The following LLGL2 variants were observed in gnomAD, a reference collection of about 807,000 sequenced individuals.
The protein encoded by LLGL2 is LLGL scribble cell polarity complex component 2.
LLGL2 carries 81 observed loss-of-function variants against 123.2 expected under a neutral mutation model. The observed-to-expected ratio is 0.66, with a 90% CI of 0.55 to 0.79. The LOEUF (loss-of-function observed/expected upper bound fraction) is 0.79. Among genes scored for constraint, LLGL2 ranks in the 30% least tolerant of loss-of-function variants. LLGL2 has a pLI of 0.00. For synonymous variants in LLGL2, 577 were observed against 594.1 expected, an observed-to-expected ratio of 0.97 and a Z score of 0.42; for missense variants, 1,273 against 1,414.6, an observed-to-expected ratio of 0.90 and a Z score of 1.61.
In LLGL2 at chr17:75,544,351, G is replaced by A. The variant is rs556903008; in HGVS notation, c.75+850G>A. Among the ~76,000 whole-genome samples, 4 of 152,350 alleles carry A rather than the reference G, an allele frequency of 2.6e-5. No homozygotes were observed. Among genetic ancestry groups the A allele is most frequent in the East Asian group, 1.9e-4 (1 of 5,188 alleles). On this transcript the variant is annotated intron_variant, in intron 2 of 25. Transcript: ENST00000392550. This position sits in a 1 kb window ranked among gnomAD's most constrained non-coding sequence, Gnocchi z 4.2. Reference sequence around the variant, plus strand: ...GCTGAGGGCAGGACATGTGGCTTTCGTTGGGGGCTTCCGTTTGGGCTCCCC... The same window carrying A: ...GCTGAGGGCAGGACATGTGGCTTTCATTGGGGGCTTCCGTTTGGGCTCCCC...
At chr17:75,543,614 C>A in intron 2 of LLGL2, 113 bp downstream of exon 2, 1 of 706,110 alleles carries the variant, frequency 1.4e-6, no homozygotes, top group Non-Finnish European at 2.2e-6. Context: ...TGACTGCCTG[C>A]AGTGCCTCTT....
At chr17:75,545,489 G>T (rs2054383567) in intron 2 of LLGL2, among the ~76,000 whole-genome samples, 1 of 152,126 alleles carries the variant, frequency 6.6e-6, no homozygotes, top group African/African-American at 2.4e-5. Context: ...GGATTCAGGA[G>T]CGGGGTAGAC....
Position 75,564,058 on chromosome 17 carries a change from T to G in LLGL2, c.881+252T>G, listed in dbSNP as rs1455694186. ...CGGTACTGAGCAGCAGGTCTTAAAC[T>G]CCTTTAGTTGGCAGCCCTGTTTCTT... is the stretch of plus-strand genomic sequence containing the variant. On this transcript the variant is annotated intron_variant, in intron 9 of 25. Transcript: ENST00000392550. This position sits in a 1 kb window ranked among gnomAD's most constrained non-coding sequence, Gnocchi z 4.9. Among the ~76,000 whole-genome samples, 1 of 152,188 alleles carries G rather than the reference T, an allele frequency of 6.6e-6. No individual in the cohort carries two copies. Among genetic ancestry groups the G allele is most frequent in the Non-Finnish European group, 1.5e-5 (1 of 68,030 alleles).
chr17:75,528,260 C>G (rs1011429072), intron 1 of LLGL2, among the ~76,000 whole-genome samples: 1 of 152,094 alleles, frequency 6.6e-6, no homozygotes, highest in African/African-American at 2.4e-5. Flanking sequence ...GGACCACAGG[C>G]GCCTGCCATC....
intron 6 of LLGL2, among the ~76,000 whole-genome samples, chr17:75,561,682 A>C (rs1156806432): frequency 1.3e-5 from 2 of 152,164 alleles, no homozygotes; most frequent in African/African-American, 4.8e-5. Context: ...GCACTTTGGG[A>C]GGCGGAGGCG....
intron 1 of LLGL2, among the ~76,000 whole-genome samples, chr17:75,526,353 C>G (rs985180969): frequency 3.9e-5 from 6 of 152,246 alleles, no homozygotes; most frequent in Non-Finnish European, 8.8e-5. Context: ...ACTTCGGTCT[C>G]CGGCCTTTCT....
At chr17:75,545,743 A>G (rs528748055) in intron 2 of LLGL2, among the ~76,000 whole-genome samples, 2 of 152,152 alleles carry the variant, frequency 1.3e-5, no homozygotes, top group Non-Finnish European at 1.5e-5. Context: ...CCCTTTGGGC[A>G]AGGCAGGTAA....
intron 8 of LLGL2, 88 bp downstream of exon 8, chr17:75,563,551 G>T: frequency 6.4e-7 from 1 of 1,565,186 alleles, no homozygotes. Context: ...AAACTCCAGG[G>T]CCAGAGAGGG....
At chr17:75,574,827 G>GTC (rs750182152) in intron 25 of LLGL2, 44 bp from the exon 26 acceptor site, 1 of 1,612,870 alleles carries the variant, frequency 6.2e-7, no homozygotes, top group South Asian at 1.1e-5. Flanking sequence ...GGGGCACCCC[G>GTC]TCCTGCCCAG....
intron 1 of LLGL2, among the ~76,000 whole-genome samples, chr17:75,530,578 A>AG (rs1481352768): frequency 6.7e-6 from 1 of 149,056 alleles, no homozygotes; most frequent in African/African-American, 2.5e-5. Flanking sequence ...TGAACCCGGG[A>AG]GGCAGAGCTG....
In LLGL2 at chr17:75,573,537, C is replaced by G; in HGVS notation, c.2782C>G (p.Leu928Val). ...FERFSLSTKW[L>V]VEPRCLVDSA... ...GCGCTTCTCTCTCTCCACCAAGTGG[C>G]TGGTGGAGCCCCGGTGTCTGGTGGA... Residue 928 changes from leucine to valine, a missense_variant, in exon 21 of 26, where the codon CTG becomes GTG. Physicochemically the swap from Leu to Val is conservative, Grantham distance 32. Coordinates refer to ENST00000392550, the MANE Select transcript of LLGL2 (RefSeq NM_001031803.2). 1 of 1,612,740 alleles carries G rather than the reference C, an allele frequency of 6.2e-7. No homozygotes were observed.
rs372940306 is a variant in LLGL2 at position 75,560,802 on chromosome 17, TAAAAAAA to T, written c.530+1416_530+1422del. The stretch of plus-strand genomic sequence containing the variant: ...CGCCTGGCCCAGTTTGTTTATTTAT[TAAAAAAA>T]AAAAAAAAAAAAAAAAAAAAAAACA... On this transcript the variant is annotated intron_variant, in intron 6 of 25. Transcript: ENST00000392550. 2.0e-3 allele frequency among the ~76,000 whole-genome samples: 197 copies of T among 96,112 alleles called. 1 individual carries two copies. The highest frequency in any genetic ancestry group is 8.6e-3 in the Middle Eastern group (1 of 116). The allele number at this position is 96,112 out of a possible 152,430, so 63.1% of individuals were successfully genotyped here. A position where few individuals can be genotyped will look rare whatever the true frequency, so the allele number is the denominator to read the frequency against.
Position 75,573,983 on chromosome 17 carries a change from A to G in LLGL2, c.2905+3A>G. 2 of 1,550,782 alleles carry G rather than the reference A, an allele frequency of 1.3e-6. No homozygotes were observed. The highest frequency in any genetic ancestry group is 1.7e-6 in the Non-Finnish European group (2 of 1,146,952). On this transcript the variant is annotated splice_donor_region_variant and intron_variant, in intron 22 of 25. Coordinates refer to ENST00000392550, the MANE Select transcript of LLGL2 (RefSeq NM_001031803.2). ...AGGGACTCAGAGTGATGGCGAGGGT[A>G]AGACAGGCCTCCTGGGCTCATGCAC... is the stretch of plus-strand genomic sequence containing the variant.
At position 75,558,514 on chromosome 17, in the gene LLGL2, C is replaced by T. The variant is rs1223959924; in HGVS notation, c.258C>T (p.Cys86=). The change falls in exon 5 of 26, where the codon TGC becomes TGT. Residue 86 remains cysteine (C), a splice_region_variant and synonymous_variant. Coordinates refer to ENST00000392550, the MANE Select transcript of LLGL2 (RefSeq NM_001031803.2). This position sits in a 1 kb window ranked among gnomAD's most constrained non-coding sequence, Gnocchi z 4.0. ...VTQIHLLPGQ[C]QLVTLLDDNS... ...ATCCCGTCGTGTGCCCTCGCCAGTG[C>T]CAGCTGGTCACCCTGCTGGATGACA... The T allele has an allele frequency of 3.1e-6, 5 of 1,588,956 alleles. No individual in the cohort carries two copies. The African/African-American group carries it at 5.4e-5, about 17-fold the overall frequency.
chr17:75,569,083 C>T lies in LLGL2; in HGVS notation c.1428C>T (p.Asn476=), dbSNP rs114832677. The change falls in exon 13 of 26, where the codon AAC becomes AAT. Residue 476 remains asparagine, a synonymous_variant. Transcript: ENST00000392550. ...VRVFLTDTDP[N]ENFSAQGEDE... The stretch of plus-strand genomic sequence containing the variant: ...TGTTCCTCACCGACACGGACCCCAA[C>T]GAGAACTTCAGTGCCCAGGGCGAGG... 3.8e-3 allele frequency: 6,079 copies of T among 1,613,272 alleles called. 126 individuals are homozygous for T. The African/African-American group carries it at 0.053, about 14-fold the overall frequency.
chr17:75,574,387 G>A (rs1355059248), intron 23 of LLGL2, 66 bp from the exon 24 acceptor site: 3 of 1,542,956 alleles, frequency 1.9e-6, no homozygotes, highest in East Asian at 2.4e-5. Flanking sequence ...GGAGAAAGGG[G>A]GTGGAAGGGC....
chr17:75,545,579 C>A (rs545498207), intron 2 of LLGL2, among the ~76,000 whole-genome samples: 1 of 152,100 alleles, frequency 6.6e-6, no homozygotes, highest in African/African-American at 2.4e-5. Context: ...TTTGGGATCC[C>A]GTCTGCCCTG....
At chr17:75,566,787 C>T (rs2055461521) in intron 10 of LLGL2, among the ~76,000 whole-genome samples, 2 of 152,104 alleles carry the variant, frequency 1.3e-5, no homozygotes, top group Non-Finnish European at 2.9e-5. Flanking sequence ...GCAGCAAGCT[C>T]AGCTGGGCGG....
intron 6 of LLGL2, among the ~76,000 whole-genome samples, chr17:75,561,670 C>G (rs1481165041): frequency 3.3e-5 from 5 of 151,976 alleles, no homozygotes. Context: ...CCTGTGATCC[C>G]AGCACTTTGG....
Sources: gnomAD v4.1 joint callset for allele counts (sites outside exome capture counted in the v4.1 genomes callset) on GRCh38, gnomAD v4.1.1 for gene constraint, Gnocchi (gnomAD v3.1) non-coding constraint, MANE v1.5 for transcripts, NCBI Gene and HGNC (gene_info 2026-07-23, HGNC 2026-07-21) for gene names.